The following VPS41 variants were observed in gnomAD, a reference collection of about 807,000 sequenced individuals.
The protein encoded by VPS41 is vacuolar protein sorting-associated protein 41 homolog.
In VPS41, 85 loss-of-function variants were observed where a neutral mutation model predicts 130.9. That is an observed-to-expected ratio of 0.65 (90% CI 0.55 to 0.78). The LOEUF is 0.78. VPS41 is among the 30% of genes least tolerant of loss of function. VPS41 has a pLI of 0.00. For synonymous variants in VPS41, 335 were observed against 332.9 expected (o/e 1.01, Z -0.07); for missense variants, 874 against 1,018.7 (o/e 0.86, Z 1.93).
At position 38,726,222 on chromosome 7, in the gene VPS41, A is replaced by G. The variant is rs200023624; in HGVS notation, c.*24T>C. 1 of 1,559,310 alleles carries G rather than the reference A, an allele frequency of 6.4e-7. No homozygotes were observed. The highest frequency in any genetic ancestry group is 8.8e-7 in the Non-Finnish European group (1 of 1,130,084). ...AACAGTCTCAAAAAGAGTGGTGACAAGGAGACTGACAAGGAGAAATGAGCT... is the reference window on the plus strand; with the variant it reads ...AACAGTCTCAAAAAGAGTGGTGACAGGGAGACTGACAAGGAGAAATGAGCT... On this transcript the variant is annotated 3_prime_UTR_variant, in exon 29 of 29. Coordinates refer to ENST00000310301, the MANE Select transcript of VPS41 (RefSeq NM_014396.4).
intron 2 of VPS41, among the ~76,000 whole-genome samples, chr7:38,877,829 C>G (rs1786523133): frequency 6.6e-6 from 1 of 152,136 alleles, no homozygotes; most frequent in Admixed American, 6.5e-5. Flanking sequence ...AAACATAACC[C>G]ACCTGAACAA....
chr7:38,890,424 C>A (rs1786835710), intron 2 of VPS41, among the ~76,000 whole-genome samples: 2 of 152,122 alleles, frequency 1.3e-5, no homozygotes. Context: ...GCACAGGGAA[C>A]CTTGTGATGA....
intron 4 of VPS41, among the ~76,000 whole-genome samples, chr7:38,859,849 T>A (rs1194181899): frequency 6.6e-6 from 1 of 152,244 alleles, no homozygotes; most frequent in African/African-American, 2.4e-5. Flanking sequence ...GTCACGTTAT[T>A]TTACTCTGAG....
At chr7:38,838,013 T>C (rs149023911) in intron 4 of VPS41, among the ~76,000 whole-genome samples, 17 of 152,274 alleles carry the variant, frequency 1.1e-4, no homozygotes, top group Non-Finnish European at 1.9e-4. Flanking sequence ...TATTTTTGAG[T>C]GATAACTGAG....
intron 10 of VPS41, among the ~76,000 whole-genome samples, chr7:38,787,462 A>G (rs1179061471): frequency 2.0e-5 from 3 of 152,184 alleles, no homozygotes; most frequent in African/African-American, 2.4e-5. Flanking sequence ...ATGTCCCAAA[A>G]GCCCTATGTA....
intron 22 of VPS41, among the ~76,000 whole-genome samples, chr7:38,749,310 C>T (rs1332594063): frequency 6.6e-6 from 1 of 152,106 alleles, no homozygotes; most frequent in African/African-American, 2.4e-5. Flanking sequence ...CTGAAATCAC[C>T]TCCTCTCAAC....
chr7:38,776,176 A>G (rs1404444860), intron 11 of VPS41, among the ~76,000 whole-genome samples: 1 of 152,210 alleles, frequency 6.6e-6, no homozygotes, highest in Non-Finnish European at 1.5e-5. Context: ...CATTATTTGC[A>G]CTGATAACTG....
intron 21 of VPS41, 145 bp downstream of exon 21, chr7:38,754,557 C>T (rs1393085846): frequency 4.6e-6 from 3 of 653,282 alleles, no homozygotes; most frequent in South Asian, 2.1e-5. Context: ...TTGGTAATTA[C>T]AGAACATTGT....
intron 7 of VPS41, among the ~76,000 whole-genome samples, chr7:38,811,833 T>A (rs1784948886): frequency 6.6e-6 from 1 of 152,050 alleles, no homozygotes. Context: ...CTTTGACTTA[T>A]GATTATTTGA....
intron 4 of VPS41, among the ~76,000 whole-genome samples, chr7:38,861,608 C>T (rs1308636047): frequency 6.6e-6 from 1 of 152,132 alleles, no homozygotes; most frequent in African/African-American, 2.4e-5. Context: ...TTTTCTTTCC[C>T]ATACAACGTG....
At chr7:38,831,654 G>A (rs1785389197) in intron 4 of VPS41, among the ~76,000 whole-genome samples, 1 of 152,130 alleles carries the variant, frequency 6.6e-6, no homozygotes, top group African/African-American at 2.4e-5. Flanking sequence ...CTAATATTCT[G>A]TAAATCACAT....
At chr7:38,807,807 T>A (rs1784869683) in intron 7 of VPS41, among the ~76,000 whole-genome samples, 1 of 152,220 alleles carries the variant, frequency 6.6e-6, no homozygotes, top group African/African-American at 2.4e-5. Context: ...TGTTAATGAA[T>A]CAGCTGATGT....
intron 25 of VPS41, among the ~76,000 whole-genome samples, chr7:38,740,829 G>A (rs1319287254): frequency 6.6e-6 from 1 of 152,136 alleles, no homozygotes; most frequent in African/African-American, 2.4e-5. Context: ...TGGCCTTCAT[G>A]TCCATTAGGA....
chr7:38,762,057 C>T (rs1783932402), intron 17 of VPS41, among the ~76,000 whole-genome samples: 2 of 152,054 alleles, frequency 1.3e-5, no homozygotes, highest in South Asian at 2.1e-4. Context: ...CTGCCAACTT[C>T]GAACACAAAA....
chr7:38,909,190 T>C lies in VPS41; in HGVS notation c.-16A>G, dbSNP rs201875890. 6.9e-5 allele frequency: 111 copies of C among 1,613,896 alleles called. 1 individual carries two copies. In the African/African-American group the frequency reaches 1.3e-3, roughly 19 times the overall value. On this transcript the variant is annotated 5_prime_UTR_variant, in exon 1 of 29. Coordinates refer to ENST00000310301, the MANE Select transcript of VPS41 (RefSeq NM_014396.4). ...CTTCCGCCATGGCGCCACGGGAGAG[T>C]CACCTGACAGACCCGGAAATAAGAG...
At chr7:38,887,409 G>A (rs143176355) in intron 2 of VPS41, among the ~76,000 whole-genome samples, 166 of 152,188 alleles carry the variant, frequency 1.1e-3, no homozygotes, top group African/African-American at 3.9e-3. Context: ...CAATTCGATC[G>A]GCTGGAAGAA....
intron 7 of VPS41, among the ~76,000 whole-genome samples, chr7:38,816,776 T>C (rs1414311839): frequency 1.2e-4 from 18 of 152,216 alleles, no homozygotes; most frequent in Admixed American, 1.2e-3. Context: ...GACAGGGTCT[T>C]GCTCTTTCAC....
intron 10 of VPS41, among the ~76,000 whole-genome samples, chr7:38,786,934 C>T (rs1784449006): frequency 6.6e-6 from 1 of 152,066 alleles, no homozygotes; most frequent in Admixed American, 6.6e-5. Context: ...CACAACTCTC[C>T]TCCACTATGA....
intron 14 of VPS41, among the ~76,000 whole-genome samples, chr7:38,770,961 G>A (rs926614632): frequency 6.6e-6 from 1 of 152,122 alleles, no homozygotes; most frequent in African/African-American, 2.4e-5. Context: ...TATTTAAAGT[G>A]TTTTCCACAG....
Sources: gnomAD v4.1 joint callset for allele counts (sites outside exome capture counted in the v4.1 genomes callset) on GRCh38, gnomAD v4.1.1 for gene constraint, MANE v1.5 for transcripts, NCBI Gene and HGNC (gene_info 2026-07-23, HGNC 2026-07-21) for gene names.